Variants in AK9 observed in about 807,000 individuals in gnomAD.
The protein encoded by AK9 is adenylate kinase domain containing 1.
A neutral mutation model predicts 239.6 loss-of-function variants in AK9; 191 were observed. The ratio of observed to expected loss-of-function variants is 0.80; its 90% CI spans 0.71 to 0.90. The LOEUF (loss-of-function observed/expected upper bound fraction) is 0.90. AK9 is among the 40% of genes least tolerant of loss of function. The probability of loss-of-function intolerance (pLI) is 0.00; values close to 1 mark genes in which losing one functional copy is unlikely to be tolerated. For missense variants in AK9, 1,995 were observed against 2,214.7 expected, an observed-to-expected ratio of 0.90 and a Z score of 1.99; for synonymous variants, 689 against 721.0, an observed-to-expected ratio of 0.96 and a Z score of 0.71.
intron 36 of AK9, among the ~76,000 whole-genome samples, chr6:109,498,510 G>C (rs755277668): frequency 6.6e-6 from 1 of 152,080 alleles, no homozygotes; most frequent in Non-Finnish European, 1.5e-5. Flanking sequence ...GTTTTTTCTT[G>C]TTGTTGTTTT....
At chr6:109,495,636 G>A (rs1776956925) in intron 38 of AK9, among the ~76,000 whole-genome samples, 196 bp from the exon 39 acceptor site, 1 of 152,100 alleles carries the variant, frequency 6.6e-6, no homozygotes, top group Non-Finnish European at 1.5e-5. Context: ...TACTCACCTC[G>A]ACTCAGTTTT....
rs143602649 is a variant in AK9, at chr6:109,510,133, G to A, written c.4280-753C>T. Among the ~76,000 whole-genome samples the A allele has an allele frequency of 4.4e-3, 672 of 152,088 alleles. 4 individuals carry two copies. The highest frequency in any genetic ancestry group is 5.0e-3 in the Non-Finnish European group (339 of 67,954). ...CTGAAGGCTGGGGGCTGGGATGCCG[G>A]TCTGTGGACAGGAGTGGGGACTCGT... is the stretch of plus-strand genomic sequence containing the variant. On this transcript the variant is annotated intron_variant, in intron 32 of 40. Transcript: ENST00000424296.
chr6:109,498,007 A>C lies in AK9; in HGVS notation c.5047-42T>G, dbSNP rs528118256. 3.7e-6 allele frequency: 6 copies of C among 1,604,290 alleles called. No homozygotes were observed. In the East Asian group the frequency reaches 1.3e-4, roughly 36 times the overall value. ...CCAGTAGCAACATGATTTAAACCAG[A>C]AATGCTATGCCAATCAGAAGGCCAC... On this transcript the variant is annotated intron_variant, in intron 36 of 40. Transcript: ENST00000424296.
intron 5 of AK9, 120 bp from the exon 6 acceptor site, chr6:109,662,783 C>T (rs1219672412): frequency 7.8e-6 from 3 of 382,464 alleles, no homozygotes; most frequent in Non-Finnish European, 1.2e-5. Flanking sequence ...ATCATAAAGT[C>T]ATCTCTCAAA....
chr6:109,641,158 T>C (rs1396645316), intron 10 of AK9, among the ~76,000 whole-genome samples: 1 of 126,816 alleles, frequency 7.9e-6, no homozygotes, highest in Non-Finnish European at 1.7e-5. Flanking sequence ...TATATATATA[T>C]ACATTTTTAT....
At chr6:109,628,862 T>C (rs1038323635) in intron 12 of AK9, among the ~76,000 whole-genome samples, 1 of 152,130 alleles carries the variant, frequency 6.6e-6, no homozygotes, top group African/African-American at 2.4e-5. Flanking sequence ...GCCAGAAACA[T>C]GTTTTTAGTT....
Position 109,573,430 on chromosome 6 carries a change from A to G in AK9, c.2344+12T>C, listed in dbSNP as rs748510888. On this transcript the variant is annotated intron_variant, in intron 21 of 40. Coordinates refer to ENST00000424296, the MANE Select transcript of AK9 (RefSeq NM_001145128.3). The stretch of plus-strand genomic sequence containing the variant: ...GAGTAGAATTAAGAACTTGCTATCA[A>G]TAAAGTCTAACCTGCTTCAGGCTCA... 5 of 1,538,580 alleles carry G rather than the reference A, an allele frequency of 3.2e-6. No homozygotes were observed. The highest frequency in any genetic ancestry group is 4.9e-5 in the East Asian group (2 of 40,808).
intron 2 of AK9, among the ~76,000 whole-genome samples, chr6:109,675,186 T>C (rs778699359): frequency 6.6e-6 from 1 of 152,216 alleles, no homozygotes; most frequent in Non-Finnish European, 1.5e-5. Context: ...GGAAGTTTCA[T>C]ATGCAAATCA....
At chr6:109,551,235 T>C (rs1279733342) in intron 24 of AK9, among the ~76,000 whole-genome samples, 4 of 151,880 alleles carry the variant, frequency 2.6e-5, no homozygotes, top group Admixed American at 2.6e-4. Context: ...ATGCAAACCT[T>C]GGCTGCGTGC....
intron 17 of AK9, among the ~76,000 whole-genome samples, chr6:109,606,971 C>G (rs1399268318): frequency 6.6e-6 from 1 of 152,102 alleles, no homozygotes; most frequent in Non-Finnish European, 1.5e-5. Flanking sequence ...CTTAACTGAT[C>G]CATTTGCAAG....
At position 109,659,397 on chromosome 6, in the gene AK9, A is replaced by C. The variant is rs1800129281; in HGVS notation, c.461T>G (p.Leu154Trp). The change falls in exon 7 of 41, where the codon TTG becomes TGG. Residue 154 changes from leucine to tryptophan, a missense_variant. By Grantham distance (61) the Leu-to-Trp change is moderately conservative. Around this residue, in one of 5 missense-constraint regions of AK9, gnomAD observed 252 missense variants for 246.4 expected, o/e 1.02. Transcript: ENST00000424296. ...IINIKCPDYD[L>W]CQRISGQRQH... is the part of the protein sequence containing the mutation. ...TCTTTGCCCAGAAATTCTCTGGCAC[A>C]AATCATAGTCAGGACACTAAGAAAC... 1 of 1,609,026 alleles carries C rather than the reference A, an allele frequency of 6.2e-7. No homozygotes were observed.
intron 29 of AK9, among the ~76,000 whole-genome samples, chr6:109,524,407 A>G: frequency 6.6e-6 from 1 of 152,204 alleles, no homozygotes; most frequent in East Asian, 1.9e-4. Flanking sequence ...ATGTCTAAAG[A>G]AATAATGTCT....
At chr6:109,608,475 A>G (rs1195115159) in intron 17 of AK9, among the ~76,000 whole-genome samples, 3 of 152,038 alleles carry the variant, frequency 2.0e-5, no homozygotes, top group African/African-American at 7.2e-5. Flanking sequence ...TGAAAAAAAA[A>G]TAAAACTTGA....
chr6:109,648,926 G>C (rs1416152738), intron 8 of AK9, among the ~76,000 whole-genome samples: 1 of 152,144 alleles, frequency 6.6e-6, no homozygotes, highest in Non-Finnish European at 1.5e-5. Flanking sequence ...GGGATGCAAG[G>C]CTGGTACAAT....
chr6:109,675,813 T>C, intron 1 of AK9, 57 bp from the exon 2 acceptor site: 1 of 975,642 alleles, frequency 1.0e-6, no homozygotes, highest in Non-Finnish European at 1.5e-6. Flanking sequence ...ATGAGGTGAC[T>C]AGGAACAATT....
In AK9 at chr6:109,565,662, C is replaced by T. The variant is rs374885594; in HGVS notation, c.2345-817G>A. 5.3e-5 allele frequency among the ~76,000 whole-genome samples: 8 copies of T among 152,238 alleles called. No homozygotes were observed. In the East Asian group the frequency reaches 7.7e-4, roughly 15 times the overall value. ...CCTGAAGGATGTAAGACATGCTGCA[C>T]ATACAGATCCAGCAGAGGTAGTTTC... On this transcript the variant is annotated intron_variant, in intron 21 of 40. Coordinates refer to ENST00000424296, the MANE Select transcript of AK9 (RefSeq NM_001145128.3).
At chr6:109,616,794 G>C (rs192100543) in intron 13 of AK9, among the ~76,000 whole-genome samples, 1 of 151,956 alleles carries the variant, frequency 6.6e-6, no homozygotes, top group East Asian at 1.9e-4. Context: ...TGACATTCTA[G>C]AATTGCTCAC....
chr6:109,563,612 T>G lies in AK9; in HGVS notation c.2736A>C (p.Glu912Asp), dbSNP rs1228445144. The G allele has an allele frequency of 6.4e-7, 1 of 1,551,082 alleles. No homozygotes were observed. Among genetic ancestry groups the G allele is most frequent in the Non-Finnish European group, 8.7e-7 (1 of 1,146,776 alleles). The change falls in exon 24 of 41, where the codon GAA becomes GAC. Residue 912 changes from glutamate (E) to aspartate (D), a missense_variant. Glu to Asp is a conservative substitution (Grantham distance 45). Transcript: ENST00000424296. ...TEAEVDEELE[E>D]EEEEEGEDKM... ...AGAATCATGCCTCTTCCTCTTCCTC[T>G]TCCTCTAGCTCCTCATCAACCTCTG...
intron 17 of AK9, among the ~76,000 whole-genome samples, chr6:109,590,354 C>T (rs145653226): frequency 6.6e-6 from 1 of 152,068 alleles, no homozygotes; most frequent in Non-Finnish European, 1.5e-5. Context: ...CTTGTATGCA[C>T]AGAGATGCTG....
Sources: allele counts gnomAD v4.1 joint callset (sites outside exome capture counted in the v4.1 genomes callset), GRCh38; gene constraint gnomAD v4.1.1; regional missense constraint gnomAD v4.1.1; transcripts MANE v1.5; gene names NCBI Gene and HGNC (gene_info 2026-07-23, HGNC 2026-07-21).